Variants in HSD3B2 observed in about 807,000 individuals in gnomAD.
HSD3B2 encodes hydroxy-delta-5-steroid dehydrogenase, 3 beta- and steroid delta-isomerase 2.
HSD3B2 carries 8 observed loss-of-function variants against 9.9 expected under a neutral mutation model. The observed-to-expected ratio is 0.81, with a 90% CI of 0.47 to 1.46. The LOEUF (loss-of-function observed/expected upper bound fraction) is 1.46. HSD3B2 is among the 40% of genes most tolerant of loss of function. The pLI is 0.00. For missense variants in HSD3B2, 410 were observed against 448.3 expected, an observed-to-expected ratio of 0.91 and a Z score of 0.77; for synonymous variants, 221 against 184.5, an observed-to-expected ratio of 1.20 and a Z score of -1.60.
intron 3 of HSD3B2, among the ~76,000 whole-genome samples, chr1:119,421,494 A>T (rs1420128446): frequency 6.5e-5 from 7 of 108,438 alleles, no homozygotes; most frequent in East Asian, 2.5e-4. Context: ...TATATTTTAT[A>T]ATATATATAT....
Position 119,422,334 on chromosome 1 carries a change from G to A in HSD3B2, c.833G>A (p.Arg278His), listed in dbSNP as rs766564863. Residue 278 changes from arginine to histidine, a missense_variant, in exon 4 of 4, where the codon CGC (arginine) becomes CAC (histidine). Arg to His is a conservative substitution (Grantham distance 29). Transcript: ENST00000369416. ...NYILSKEFGL[R>H]LDSRWSLPLT... ...ATCCTGAGCAAAGAGTTTGGCCTCCGCCTTGATTCCAGATGGAGCCTTCCT... is the reference window on the plus strand; with the variant it reads ...ATCCTGAGCAAAGAGTTTGGCCTCCACCTTGATTCCAGATGGAGCCTTCCT... 67 of 1,614,024 alleles carry A rather than the reference G, an allele frequency of 4.2e-5. No individual in the cohort carries two copies. The highest frequency in any genetic ancestry group is 5.1e-5 in the Non-Finnish European group (60 of 1,180,010).
At position 119,419,434 on chromosome 1, in the gene HSD3B2, C is replaced by G. The variant is rs1570819751; in HGVS notation, c.159C>G (p.Thr53=). Residue 53 remains threonine (T), a synonymous_variant, in exon 3 of 4, where the codon ACC becomes ACG. Transcript: ENST00000369416. ...REEFSKLQNR[T]KLTVLEGDIL... is the part of the protein sequence containing the mutation. ...TTCACACAGAGCTCCAGAACAGGAC[C>G]AAGCTGACTGTACTTGAAGGAGACA... 6.2e-7 allele frequency: 1 copy of G among 1,613,676 alleles called. No individual in the cohort carries two copies. The highest frequency in any genetic ancestry group is 8.5e-7 in the Non-Finnish European group (1 of 1,179,770).
Position 119,422,044 on chromosome 1 carries a change from T to C in HSD3B2, c.543T>C (p.Thr181=). The stretch of plus-strand genomic sequence containing the variant: ...TAAAAAATGGTGATACCTTGTACAC[T>C]TGTGCGTTAAGACCCACATATATCT... ...WNLKNGDTLY[T]CALRPTYIYG... The change falls in exon 4 of 4, where the codon ACT becomes ACC. Residue 181 remains threonine (T), a synonymous_variant. Transcript: ENST00000369416. The C allele has an allele frequency of 6.2e-7, 1 of 1,614,132 alleles. No homozygotes were observed. Among genetic ancestry groups the C allele is most frequent in the South Asian group, 1.1e-5 (1 of 91,080 alleles).
At chr1:119,419,178 C>T (rs1157827953) in intron 2 of HSD3B2, among the ~76,000 whole-genome samples, 3 of 152,150 alleles carry the variant, frequency 2.0e-5, no homozygotes, top group African/African-American at 7.2e-5. Flanking sequence ...ATTCACTGCT[C>T]ACATTACTTT....
chr1:119,421,562 G>T (rs1651877616), intron 3 of HSD3B2, among the ~76,000 whole-genome samples: 1 of 146,004 alleles, frequency 6.8e-6, no homozygotes, highest in African/African-American at 2.5e-5. Context: ...ACAAACATAG[G>T]TCCATGAAAC....
Position 119,416,503 on chromosome 1 carries a change from G to A in HSD3B2, c.142+942G>A, listed in dbSNP as rs980048134. Among the ~76,000 whole-genome samples the A allele has an allele frequency of 2.6e-5, 4 of 152,142 alleles. No individual in the cohort carries two copies. In the South Asian group the frequency reaches 8.3e-4, roughly 32 times the overall value. On this transcript the variant is annotated intron_variant, in intron 2 of 3. Transcript: ENST00000369416. The stretch of plus-strand genomic sequence containing the variant: ...GCCAAGAACAGCTGATTAATGTGTA[G>A]CAGAGCTCAGACCAGAGCTTCATTC...
At position 119,419,922 on chromosome 1, in the gene HSD3B2, T is replaced by G. The variant is rs1410152676; in HGVS notation, c.307+340T>G. On this transcript the variant is annotated intron_variant, in intron 3 of 3. Coordinates refer to ENST00000369416, the MANE Select transcript of HSD3B2 (RefSeq NM_000198.4). ...AAGTCAACTAAACTCCAACTTCAAATTCACGATATCCAGCTACTCCTTGGC... is the reference window on the plus strand; with the variant it reads ...AAGTCAACTAAACTCCAACTTCAAAGTCACGATATCCAGCTACTCCTTGGC... 3 of 345,732 alleles carry G rather than the reference T, an allele frequency of 8.7e-6. No homozygotes were observed. The East Asian group carries it at 2.1e-4, about 25-fold the overall frequency. 21.4% of individuals were successfully genotyped at this position (345,732 alleles called of 1,614,324 possible).
chr1:119,416,973 A>G (rs1651727860), intron 2 of HSD3B2, among the ~76,000 whole-genome samples: 1 of 152,198 alleles, frequency 6.6e-6, no homozygotes, highest in African/African-American at 2.4e-5. Flanking sequence ...ATAAAAACAG[A>G]GAATCCTTTC....
Position 119,419,533 on chromosome 1 carries a change from T to A in HSD3B2, c.258T>A (p.Asp86Glu), listed in dbSNP as rs996323669. ...TCATCCACACCGCCTGTATCATTGATGTCTTTGGTGTCACTCACAGAGAGT... is the reference window on the plus strand; with the variant it reads ...TCATCCACACCGCCTGTATCATTGAAGTCTTTGGTGTCACTCACAGAGAGT... ...SVVIHTACII[D>E]VFGVTHRESI... Residue 86 changes from aspartate to glutamate, a missense_variant, in exon 3 of 4, where the codon GAT becomes GAA. By Grantham distance (45) the Asp-to-Glu change is conservative. Transcript: ENST00000369416. 6.2e-7 allele frequency: 1 copy of A among 1,613,902 alleles called. No homozygotes were observed. Among genetic ancestry groups the A allele is most frequent in the Non-Finnish European group, 8.5e-7 (1 of 1,179,836 alleles).
intron 2 of HSD3B2, among the ~76,000 whole-genome samples, chr1:119,418,007 T>G (rs1381293248): frequency 6.6e-6 from 1 of 152,182 alleles, no homozygotes; most frequent in Admixed American, 6.5e-5. Flanking sequence ...GTGAGCCGTA[T>G]GCAGATTATA....
chr1:119,421,712 C>T, intron 3 of HSD3B2, 97 bp from the exon 4 acceptor site: 3 of 1,334,892 alleles, frequency 2.2e-6, no homozygotes, highest in Non-Finnish European at 3.2e-6. Context: ...ATAACCACTG[C>T]ACTTGGGAGT....
intron 3 of HSD3B2, among the ~76,000 whole-genome samples, chr1:119,420,556 G>T (rs1651832376): frequency 6.6e-6 from 1 of 152,118 alleles, no homozygotes; most frequent in South Asian, 2.1e-4. Flanking sequence ...CAAGGGATAA[G>T]AAATGACAAG....
intron 3 of HSD3B2, among the ~76,000 whole-genome samples, chr1:119,421,415 A>ATT (rs1273186647): frequency 0.028 from 770 of 27,484 alleles, 20 homozygotes; most frequent in African/African-American, 0.17. Flanking sequence ...ATATATATAT[A>ATT]TGTATATATA....
Position 119,422,465 on chromosome 1 carries a change from T to C in HSD3B2, c.964T>C (p.Ser322Pro). The C allele has an allele frequency of 6.2e-7, 1 of 1,614,034 alleles. No individual in the cohort carries two copies. The part of the protein sequence containing the change: ...PPFNRHTVTL[S>P]NSVFTFSYKK... ...CTTCAACCGCCACACAGTCACATTA[T>C]CAAATAGTGTGTTCACCTTCTCTTA... is the stretch of plus-strand genomic sequence containing the variant. Residue 322 changes from serine to proline, a missense_variant, in exon 4 of 4, where the codon TCA (serine) becomes CCA (proline). Physicochemically the swap from Ser to Pro is moderately conservative, Grantham distance 74. Transcript: ENST00000369416.
chr1:119,417,892 T>C (rs1349541738), intron 2 of HSD3B2, among the ~76,000 whole-genome samples: 1 of 152,186 alleles, frequency 6.6e-6, no homozygotes, highest in African/African-American at 2.4e-5. Flanking sequence ...GAAAATTGAC[T>C]TTAGATCTGT....
intron 2 of HSD3B2, chr1:119,417,333 C>G (rs587672064): frequency 6.6e-6 from 1 of 152,246 alleles, no homozygotes; most frequent in African/African-American, 2.4e-5. Flanking sequence ...GGAGCTAAGA[C>G]TCCATCAAAA....
chr1:119,418,144 T>G (rs149541519), intron 2 of HSD3B2, among the ~76,000 whole-genome samples: 1,544 of 152,352 alleles, frequency 0.01, 25 homozygotes, highest in African/African-American at 0.034. Flanking sequence ...AGCCTGAAGA[T>G]ATGGATGTTA....
chr1:119,417,620 A>C (rs993175341), intron 2 of HSD3B2: 2 of 152,156 alleles, frequency 1.3e-5, no homozygotes, highest in African/African-American at 4.8e-5. Flanking sequence ...GACAGTGGGA[A>C]GGGGCTGGGA....
rs757261352 is a variant in HSD3B2 at position 119,422,599 on chromosome 1, C to T, written c.1098C>T (p.Thr366=). The T allele has an allele frequency of 8.7e-5, 141 of 1,613,836 alleles. No individual in the cohort carries two copies. The highest frequency in any genetic ancestry group is 1.2e-4 in the Non-Finnish European group (139 of 1,179,982). Residue 366 remains threonine (T), a synonymous_variant, in exon 4 of 4, where the codon ACC becomes ACT. Transcript: ENST00000369416. The part of the protein sequence containing the change: ...VGSLVDRHKE[T]LKSKTQ ...CCCTTGTGGACCGGCACAAGGAGAC[C>T]CTGAAGTCCAAGACTCAGTGATTTA...
Sources: allele counts gnomAD v4.1 joint callset (sites outside exome capture counted in the v4.1 genomes callset), GRCh38; gene constraint gnomAD v4.1.1; transcripts MANE v1.5; gene names NCBI Gene and HGNC (gene_info 2026-07-23, HGNC 2026-07-21).